PTPRD: variants seen among roughly 807,000 people sequenced by gnomAD.
The protein encoded by PTPRD is receptor-type tyrosine-protein phosphatase delta.
In PTPRD, 34 loss-of-function variants were observed where a neutral mutation model predicts 214.5. The observed-to-expected ratio is 0.16, with a 90% confidence interval of 0.12 to 0.21. The LOEUF (loss-of-function observed/expected upper bound fraction) is 0.21, where lower values mean the gene tolerates loss of function less well. PTPRD is among the 10% of genes least tolerant of loss of function. The probability of loss-of-function intolerance (pLI) is 1.00; values close to 1 mark genes in which losing one functional copy is unlikely to be tolerated. For missense variants in PTPRD, 2,545 were observed against 2,398.7 expected (o/e 1.06, Z -1.27); for synonymous variants, 1,128 against 845.7 (o/e 1.33, Z -5.79).
intron 14 of PTPRD, among the ~76,000 whole-genome samples, chr9:8,547,941 C>A (rs12375664): frequency 0.016 from 2,376 of 152,224 alleles, 38 homozygotes; most frequent in Non-Finnish European, 0.021. Flanking sequence ...AAACATTGCT[C>A]AGCACCTGAC....
chr9:9,619,725 G>A (rs369368861), intron 7 of PTPRD, among the ~76,000 whole-genome samples: 73 of 142,362 alleles, frequency 5.1e-4, no homozygotes, highest in African/African-American at 9.2e-4. Context: ...ATATATAATC[G>A]TGTATTTAAT....
At chr9:9,005,682 A>T (rs2099460182) in intron 11 of PTPRD, among the ~76,000 whole-genome samples, 1 of 152,038 alleles carries the variant, frequency 6.6e-6, no homozygotes, top group Non-Finnish European at 1.5e-5. Flanking sequence ...CTTTTAATAA[A>T]GTTCACTTTA....
At chr9:10,436,787 G>A (rs1463523469) in intron 2 of PTPRD, among the ~76,000 whole-genome samples, 1 of 151,620 alleles carries the variant, frequency 6.6e-6, no homozygotes, top group African/African-American at 2.4e-5. Context: ...TTCTGTCCAC[G>A]AGCTTGTCAA....
At chr9:9,577,998 A>T (rs2089504265) in intron 7 of PTPRD, among the ~76,000 whole-genome samples, 1 of 122,918 alleles carries the variant, frequency 8.1e-6, no homozygotes, top group Non-Finnish European at 1.6e-5. Flanking sequence ...GTGAGCCGAG[A>T]TTGTACTACT....
chr9:9,705,222 T>C (rs1182763793), intron 7 of PTPRD, among the ~76,000 whole-genome samples: 1 of 152,174 alleles, frequency 6.6e-6, no homozygotes, highest in African/African-American at 2.4e-5. Context: ...GGTTCCCTTA[T>C]TCTCATGCCA....
At chr9:10,170,135 ATTT>A (rs1344446162) in intron 3 of PTPRD, among the ~76,000 whole-genome samples, 1 of 152,180 alleles carries the variant, frequency 6.6e-6, no homozygotes, top group Non-Finnish European at 1.5e-5. Context: ...ATGCCAATGC[ATTT>A]ATCACATGCA....
intron 2 of PTPRD, among the ~76,000 whole-genome samples, chr9:10,399,413 A>T (rs1250851696): frequency 6.6e-6 from 1 of 152,002 alleles, no homozygotes; most frequent in Non-Finnish European, 1.5e-5. Flanking sequence ...GTATATTTTT[A>T]TTCAAAAAAA....
At chr9:9,324,224 C>A (rs1053825843) in intron 9 of PTPRD, among the ~76,000 whole-genome samples, 4 of 152,166 alleles carry the variant, frequency 2.6e-5, no homozygotes, top group African/African-American at 9.7e-5. Flanking sequence ...ATGGCTGGGT[C>A]AAATGGTATT....
In PTPRD at chr9:10,468,044, CT is replaced by C. The variant is rs771047309; in HGVS notation, c.-599-127028del. Among the ~76,000 whole-genome samples, 94 of 152,276 alleles carry C rather than the reference CT, an allele frequency of 6.2e-4. 1 individual carries two copies. The highest frequency in any genetic ancestry group is 4.1e-4 in the South Asian group (2 of 4,828). On this transcript the variant is annotated intron_variant, in intron 2 of 45. Coordinates refer to ENST00000381196, the MANE Select transcript of PTPRD (RefSeq NM_002839.4). ...GTGGAGAAATAGGAAAACTTTTACA[CT>C]GTTGGTGGGAGTGTAAATTAGTTCA...
In PTPRD at chr9:8,746,353, G is replaced by A. The variant is rs575503469; in HGVS notation, c.-103-12407C>T. Reference sequence around the variant, plus strand: ...ACAAAGTGATTTGATAATAAAGTACGAAAATTTCCTGCAGCAATAAAAGCA... The same window carrying A: ...ACAAAGTGATTTGATAATAAAGTACAAAAATTTCCTGCAGCAATAAAAGCA... On this transcript the variant is annotated intron_variant, in intron 11 of 45. Coordinates refer to ENST00000381196, the MANE Select transcript of PTPRD (RefSeq NM_002839.4). Among the ~76,000 whole-genome samples the A allele has an allele frequency of 2.8e-3, 433 of 152,180 alleles. 10 individuals are homozygous for A. Among genetic ancestry groups the A allele is most frequent in the Non-Finnish European group, 7.4e-4 (50 of 68,000 alleles).
At chr9:9,977,759 GAAAGAA>G (rs1566881660) in intron 4 of PTPRD, among the ~76,000 whole-genome samples, 2 of 152,050 alleles carry the variant, frequency 1.3e-5, no homozygotes, top group Admixed American at 6.6e-5. Context: ...AGAAAAGTAA[GAAAGAA>G]GGGAATTTAG....
In PTPRD at chr9:8,517,771, TTC is replaced by T. The variant is rs1227557244; in HGVS notation, c.1543+75_1543+76del. Reference sequence around the variant, plus strand: ...TTAAAATTCATACCATCTTTGTTCCTTCTTTGTTTTTGTCCTTCTCACCTCTT... The same window carrying T: ...TTAAAATTCATACCATCTTTGTTCCTTTTGTTTTTGTCCTTCTCACCTCTT... On this transcript the variant is annotated intron_variant, in intron 21 of 45. Coordinates refer to ENST00000381196, the MANE Select transcript of PTPRD (RefSeq NM_002839.4). 4 of 1,250,542 alleles carry T rather than the reference TTC, an allele frequency of 3.2e-6. No individual in the cohort carries two copies. In the African/African-American group the frequency reaches 6.1e-5, roughly 19 times the overall value. 77.5% of individuals were successfully genotyped at this position (1,250,542 alleles called of 1,614,324 possible). A position where few individuals can be genotyped will look rare whatever the true frequency, so the allele number is the denominator to read the frequency against.
intron 5 of PTPRD, among the ~76,000 whole-genome samples, chr9:9,878,167 A>AT (rs2067473724): frequency 6.6e-6 from 1 of 152,118 alleles, no homozygotes. Context: ...AGTATGCTTA[A>AT]TTTTATTGAA....
At chr9:9,078,545 C>G (rs1469456131) in intron 10 of PTPRD, among the ~76,000 whole-genome samples, 1 of 152,054 alleles carries the variant, frequency 6.6e-6, no homozygotes, top group Non-Finnish European at 1.5e-5. Context: ...AAATACTTGG[C>G]TCATGTTCCA....
chr9:9,725,070 A>G (rs2098055770), intron 7 of PTPRD, among the ~76,000 whole-genome samples: 1 of 152,120 alleles, frequency 6.6e-6, no homozygotes, highest in African/African-American at 2.4e-5. Flanking sequence ...CTGGTAAAAT[A>G]TCTGGGGTAG....
At chr9:9,486,999 T>C (rs1171670366) in intron 8 of PTPRD, among the ~76,000 whole-genome samples, 2 of 152,192 alleles carry the variant, frequency 1.3e-5, no homozygotes, top group Non-Finnish European at 2.9e-5. Context: ...TACCATATTA[T>C]TTTAAATAAA....
chr9:10,263,448 G>C (rs1441369825), intron 3 of PTPRD, among the ~76,000 whole-genome samples: 1 of 152,152 alleles, frequency 6.6e-6, no homozygotes, highest in Admixed American at 6.5e-5. Context: ...TGAGGTCCAG[G>C]CTAAGGTGGT....
intron 11 of PTPRD, among the ~76,000 whole-genome samples, chr9:8,865,360 C>T (rs1448699012): frequency 2.0e-5 from 3 of 152,084 alleles, no homozygotes; most frequent in Non-Finnish European, 4.4e-5. Context: ...TGATTGGAAC[C>T]CAGAGCTCCT....
chr9:9,596,282 A>G (rs1302636908), intron 7 of PTPRD, among the ~76,000 whole-genome samples: 1 of 151,968 alleles, frequency 6.6e-6, no homozygotes, highest in Non-Finnish European at 1.5e-5. Flanking sequence ...ATATCAATAG[A>G]ATATTCCTGA....
Sources: gnomAD v4.1 joint callset for allele counts (sites outside exome capture counted in the v4.1 genomes callset) on GRCh38, gnomAD v4.1.1 for gene constraint, MANE v1.5 for transcripts, NCBI Gene and HGNC (gene_info 2026-07-23, HGNC 2026-07-21) for gene names.